MARK1: variants seen among roughly 807,000 people sequenced by gnomAD.
MARK1 encodes the protein microtubule affinity regulating kinase 1.
MARK1 carries 40 observed loss-of-function variants against 96.3 expected under a neutral mutation model. The observed-to-expected ratio is 0.42, with a 90% CI of 0.32 to 0.54. The LOEUF is 0.54. Ranked by LOEUF, MARK1 falls within the 20% of genes least tolerant of loss-of-function variation. The pLI is 0.16. For missense variants in MARK1, 719 were observed against 984.6 expected, an observed-to-expected ratio of 0.73 and a Z score of 3.61; for synonymous variants, 317 against 341.2, an observed-to-expected ratio of 0.93 and a Z score of 0.78.
At chr1:220,639,762 C>T (rs1181015650) in intron 13 of MARK1, among the ~76,000 whole-genome samples, 2 of 152,134 alleles carry the variant, frequency 1.3e-5, no homozygotes, top group Non-Finnish European at 2.9e-5. Flanking sequence ...TGTGTATATC[C>T]TTGGAATATA....
intron 1 of MARK1, among the ~76,000 whole-genome samples, chr1:220,532,254 G>A (rs1050839383): frequency 5.9e-5 from 9 of 152,166 alleles, no homozygotes; most frequent in African/African-American, 1.9e-4. Context: ...TGTAACTAAG[G>A]TTGCCATCAG....
intron 15 of MARK1, 121 bp downstream of exon 15, chr1:220,652,271 A>G (rs1668923852): frequency 4.2e-6 from 3 of 715,376 alleles, no homozygotes; most frequent in Admixed American, 3.5e-5. Flanking sequence ...AGTGTTTGTT[A>G]TGGAGGAAAA....
chr1:220,639,381 CTT>C (rs1668146159), intron 13 of MARK1, among the ~76,000 whole-genome samples: 1 of 152,038 alleles, frequency 6.6e-6, no homozygotes, highest in Non-Finnish European at 1.5e-5. Flanking sequence ...ATTTATTTCA[CTT>C]ATAATAGTTT....
chr1:220,550,436 T>C (rs960990285), intron 1 of MARK1, among the ~76,000 whole-genome samples: 1 of 152,196 alleles, frequency 6.6e-6, no homozygotes, highest in African/African-American at 2.4e-5. Context: ...CACTGCAGTC[T>C]AAACCTCCCA....
At chr1:220,632,821 T>A (rs1045413709) in intron 11 of MARK1, among the ~76,000 whole-genome samples, 1 of 152,188 alleles carries the variant, frequency 6.6e-6, no homozygotes, top group Admixed American at 6.5e-5. Context: ...AATAAGGAGA[T>A]GGATTCAGGA....
At chr1:220,542,004 A>G (rs903053426) in intron 1 of MARK1, among the ~76,000 whole-genome samples, 8 of 152,054 alleles carry the variant, frequency 5.3e-5, no homozygotes, top group Non-Finnish European at 1.2e-4. Flanking sequence ...ATTTTTTTGT[A>G]GTGACCTCTA....
intron 13 of MARK1, among the ~76,000 whole-genome samples, chr1:220,640,746 G>A (rs1668224682): frequency 6.6e-6 from 1 of 152,142 alleles, no homozygotes; most frequent in Non-Finnish European, 1.5e-5. Flanking sequence ...GGTCAAGAGG[G>A]CACATGCAAG....
intron 16 of MARK1, among the ~76,000 whole-genome samples, chr1:220,653,603 A>G (rs4846657): frequency 0.82 from 123,990 of 152,110 alleles, 51,216 homozygotes; most frequent in African/African-American, 0.95. Flanking sequence ...ACAAAGACTT[A>G]ACTTCAAAAA....
chr1:220,653,805 C>A (rs965402405), intron 16 of MARK1, among the ~76,000 whole-genome samples: 2 of 152,110 alleles, frequency 1.3e-5, no homozygotes, highest in African/African-American at 4.8e-5. Context: ...TGCAATTTTA[C>A]ATCATAAAAC....
At chr1:220,641,619 A>G (rs887920736) in intron 13 of MARK1, among the ~76,000 whole-genome samples, 4 of 152,124 alleles carry the variant, frequency 2.6e-5, no homozygotes, top group African/African-American at 9.7e-5. Flanking sequence ...GGAAGAAGGA[A>G]GGGCCAAAGA....
chr1:220,650,528 T>C (rs1018029472), intron 13 of MARK1, 92 bp from the exon 14 acceptor site: 1 of 734,922 alleles, frequency 1.4e-6, no homozygotes, highest in Admixed American at 2.2e-5. Context: ...TAAAATTCTG[T>C]GGATTTTTCT....
intron 5 of MARK1, among the ~76,000 whole-genome samples, chr1:220,603,262 G>T (rs1665856896): frequency 6.6e-6 from 1 of 151,896 alleles, no homozygotes. Flanking sequence ...GTTTAATTTA[G>T]TTTTAAGCTA....
In MARK1 at chr1:220,664,285, T is replaced by G. The variant is rs1348557473; in HGVS notation, c.*2119T>G. ...GATACTCACTTTAGATTTTTCATTTTATGTGTTCATGACAACATAAATATT... is the reference window on the plus strand; with the variant it reads ...GATACTCACTTTAGATTTTTCATTTGATGTGTTCATGACAACATAAATATT... On this transcript the variant is annotated 3_prime_UTR_variant, in exon 18 of 18. Transcript: ENST00000366917. The G allele has an allele frequency of 6.6e-6, 1 of 152,228 alleles. No homozygotes were observed. The highest frequency in any genetic ancestry group is 2.4e-5 in the African/African-American group (1 of 41,458). 9.4% of individuals were successfully genotyped at this position (152,228 alleles called of 1,614,324 possible).
At chr1:220,585,885 T>G (rs938217282) in intron 3 of MARK1, among the ~76,000 whole-genome samples, 2 of 152,190 alleles carry the variant, frequency 1.3e-5, no homozygotes, top group African/African-American at 4.8e-5. Flanking sequence ...GTATCTCTTT[T>G]GAAAATGTCT....
chr1:220,606,826 G>A lies in MARK1; in HGVS notation c.495+2689G>A, dbSNP rs369480631. Among the ~76,000 whole-genome samples, 80 of 152,244 alleles carry A rather than the reference G, an allele frequency of 5.3e-4. 1 individual carries two copies. The South Asian group carries it at 0.012, about 23-fold the overall frequency. On this transcript the variant is annotated intron_variant, in intron 6 of 17. Transcript: ENST00000366917. ...TTGTCAGGTTTGTCAAAGATCAGAT[G>A]GTTGTAGATGTGCGGCATTATTTCT...
intron 1 of MARK1, among the ~76,000 whole-genome samples, chr1:220,547,628 G>T (rs767262835): frequency 1.6e-4 from 24 of 151,940 alleles, no homozygotes; most frequent in Non-Finnish European, 2.6e-4. Context: ...GCAGTGGTGC[G>T]ATCTCAGCTC....
At chr1:220,586,540 G>T (rs1664640311) in intron 3 of MARK1, among the ~76,000 whole-genome samples, 1 of 152,170 alleles carries the variant, frequency 6.6e-6, no homozygotes. Context: ...GTCGTTTGTT[G>T]ATTTGTTTGT....
At position 220,657,806 on chromosome 1, in the gene MARK1, G is replaced by A. The variant is rs1358937006; in HGVS notation, c.2005G>A (p.Glu669Lys). Residue 669 changes from glutamate (E) to lysine (K), a missense_variant, in exon 17 of 18, where the codon GAA (glutamate) becomes AAA (lysine). Transcript: ENST00000366917. ...KFVRRDPSEG[E>K]ASGRTDTSRS... The stretch of plus-strand genomic sequence containing the variant: ...TGTTTTGAGGGATCCAAGTGAAGGC[G>A]AAGCCAGTGGCAGAACCGACACCTC... 1.3e-5 allele frequency: 20 copies of A among 1,575,452 alleles called. No homozygotes were observed. The highest frequency in any genetic ancestry group is 4.7e-5 in the East Asian group (2 of 42,536).
chr1:220,623,743 G>A (rs771915594), intron 9 of MARK1, among the ~76,000 whole-genome samples: 8 of 152,004 alleles, frequency 5.3e-5, no homozygotes, highest in South Asian at 2.1e-4. Flanking sequence ...ATTTTTTCCC[G>A]TGCTAATTAT....
Sources: allele counts gnomAD v4.1 joint callset (sites outside exome capture counted in the v4.1 genomes callset), GRCh38; gene constraint gnomAD v4.1.1; transcripts MANE v1.5; gene names NCBI Gene and HGNC (gene_info 2026-07-23, HGNC 2026-07-21).